MPDZ: variants seen among roughly 807,000 people sequenced by gnomAD.
MPDZ encodes multiple PDZ domain protein.
A neutral mutation model predicts 239.1 loss-of-function variants in MPDZ; 234 were observed. The observed-to-expected ratio is 0.98, with a 90% CI of 0.88 to 1.09. The LOEUF (loss-of-function observed/expected upper bound fraction) is 1.09. MPDZ is among the 50% of genes least tolerant of loss of function. The pLI, the probability that MPDZ is intolerant of heterozygous loss-of-function variation, is 0.00. For missense variants in MPDZ, 3,175 were observed against 2,510.0 expected, an observed-to-expected ratio of 1.26 and a Z score of -5.66; for synonymous variants, 1,048 against 881.3, an observed-to-expected ratio of 1.19 and a Z score of -3.35.
At chr9:13,151,629 G>A (rs1452927459) in intron 24 of MPDZ, among the ~76,000 whole-genome samples, 1 of 152,026 alleles carries the variant, frequency 6.6e-6, no homozygotes, top group Non-Finnish European at 1.5e-5. Context: ...GGTTGCCTGG[G>A]ATGGGAAGAG....
At chr9:13,131,142 G>A (rs572536774) in intron 32 of MPDZ, among the ~76,000 whole-genome samples, 6 of 152,148 alleles carry the variant, frequency 3.9e-5, no homozygotes, top group Non-Finnish European at 8.8e-5. Flanking sequence ...ATTCATGAGT[G>A]TTAAAAGCTG....
At chr9:13,251,790 G>A (rs1235627280) in intron 1 of MPDZ, among the ~76,000 whole-genome samples, 2 of 152,178 alleles carry the variant, frequency 1.3e-5, no homozygotes, top group Non-Finnish European at 2.9e-5. Context: ...TCCCAATGTA[G>A]AATATACTAT....
At chr9:13,209,941 T>C (rs1189756722) in intron 10 of MPDZ, among the ~76,000 whole-genome samples, 2 of 147,158 alleles carry the variant, frequency 1.4e-5, no homozygotes, top group African/African-American at 5.0e-5. Flanking sequence ...AACACACTAA[T>C]AAAAGAAATT....
At chr9:13,130,097 A>C (rs1945737078) in intron 32 of MPDZ, among the ~76,000 whole-genome samples, 1 of 152,202 alleles carries the variant, frequency 6.6e-6, no homozygotes, top group Non-Finnish European at 1.5e-5. Context: ...ACCTGCTTTG[A>C]TGTATGGGTC....
rs765989399 is a variant in MPDZ at position 13,123,159 on chromosome 9, C to G, written c.4947G>C (p.Thr1649=). The G allele has an allele frequency of 4.3e-6, 7 of 1,611,694 alleles. No homozygotes were observed. The highest frequency in any genetic ancestry group is 5.9e-6 in the Non-Finnish European group (7 of 1,179,290). The change falls in exon 36 of 47, where the codon ACG becomes ACC. Residue 1649 remains threonine, a synonymous_variant. Transcript: ENST00000319217. The stretch of plus-strand genomic sequence containing the variant: ...ACCTCTGGGTGGTGCTCACCAGCAG[C>G]GTGTCTGAACCCCCAACGATGCTCA... ...LGLSIVGGSD[T]LLGAIIIHEV... is the part of the protein sequence containing the mutation.
intron 4 of MPDZ, among the ~76,000 whole-genome samples, 187 bp from the exon 5 acceptor site, chr9:13,223,897 G>T (rs148190372): frequency 6.6e-6 from 1 of 152,008 alleles, no homozygotes; most frequent in Non-Finnish European, 1.5e-5. Flanking sequence ...TAGTAAGTGT[G>T]GTGGCACACA....
chr9:13,234,774 TC>T (rs1158684469), intron 3 of MPDZ, among the ~76,000 whole-genome samples: 3 of 151,850 alleles, frequency 2.0e-5, no homozygotes, highest in African/African-American at 7.3e-5. Context: ...AAGCCATTCT[TC>T]AGGGAATTTG....
At chr9:13,199,629 G>A (rs1428462899) in intron 12 of MPDZ, among the ~76,000 whole-genome samples, 1 of 151,960 alleles carries the variant, frequency 6.6e-6, no homozygotes, top group Non-Finnish European at 1.5e-5. Context: ...TATATTAGCT[G>A]TGGATTTTTC....
intron 35 of MPDZ, among the ~76,000 whole-genome samples, chr9:13,123,825 C>G (rs1944730623): frequency 6.6e-6 from 1 of 152,130 alleles, no homozygotes; most frequent in Admixed American, 6.5e-5. Context: ...TATCCTAGAG[C>G]ATCTCTTCTT....
rs752165433 is a variant in MPDZ at position 13,219,551 on chromosome 9, C to G, written c.1086+8G>C. 9 of 1,610,372 alleles carry G rather than the reference C, an allele frequency of 5.6e-6. No homozygotes were observed. Among genetic ancestry groups the G allele is most frequent in the East Asian group, 2.2e-5 (1 of 44,690 alleles). On this transcript the variant is annotated splice_region_variant and intron_variant, in intron 8 of 46. Transcript: ENST00000319217. ...TGACTTTCACATTAACTACTCTTAA[C>G]TACTTACCCGCAACTCTGGTGTTGA... is the stretch of plus-strand genomic sequence containing the variant.
intron 42 of MPDZ, among the ~76,000 whole-genome samples, 195 bp downstream of exon 42, chr9:13,112,816 C>T (rs1402646180): frequency 1.3e-5 from 2 of 152,094 alleles, no homozygotes; most frequent in African/African-American, 2.4e-5. Context: ...AGCATGCAAA[C>T]AACGATTTTT....
At chr9:13,200,932 G>A (rs1956309023) in intron 12 of MPDZ, among the ~76,000 whole-genome samples, 1 of 151,994 alleles carries the variant, frequency 6.6e-6, no homozygotes. Flanking sequence ...GGTCAATTTG[G>A]TCTACAATGA....
At chr9:13,156,168 C>T (rs755255917) in intron 24 of MPDZ, among the ~76,000 whole-genome samples, 1 of 152,102 alleles carries the variant, frequency 6.6e-6, no homozygotes, top group African/African-American at 2.4e-5. Flanking sequence ...CTGAATTTTC[C>T]CCCAAATTCA....
At chr9:13,239,005 T>C (rs1964746340) in intron 3 of MPDZ, among the ~76,000 whole-genome samples, 1 of 152,174 alleles carries the variant, frequency 6.6e-6, no homozygotes. Flanking sequence ...TAAAACCATA[T>C]GAACAAAAGA....
chr9:13,175,709 A>C, intron 21 of MPDZ, 43 bp downstream of exon 21: 1 of 1,494,076 alleles, frequency 6.7e-7, no homozygotes, highest in South Asian at 1.2e-5. Flanking sequence ...CCCCTTGTCA[A>C]GGGGGTTGAG....
At chr9:13,172,677 G>A (rs931297942) in intron 21 of MPDZ, among the ~76,000 whole-genome samples, 9 of 152,002 alleles carry the variant, frequency 5.9e-5, no homozygotes, top group South Asian at 2.1e-4. Flanking sequence ...GTGAGCCACC[G>A]CGCCCGGCCA....
intron 1 of MPDZ, among the ~76,000 whole-genome samples, chr9:13,266,655 C>A (rs1227527707): frequency 6.6e-6 from 1 of 152,258 alleles, no homozygotes; most frequent in East Asian, 1.9e-4. Context: ...AGTAGAGAGT[C>A]AAAGAAAATA....
chr9:13,238,333 T>C (rs1159911807), intron 3 of MPDZ, among the ~76,000 whole-genome samples: 1 of 152,118 alleles, frequency 6.6e-6, no homozygotes, highest in South Asian at 2.1e-4. Context: ...ATAATAAGAT[T>C]ACAGTGGGGT....
intron 26 of MPDZ, among the ~76,000 whole-genome samples, chr9:13,143,883 A>G (rs1274253599): frequency 6.6e-6 from 1 of 152,080 alleles, no homozygotes; most frequent in South Asian, 2.1e-4. Context: ...CATCTTATAT[A>G]TTAATACATG....
Sources: allele counts gnomAD v4.1 joint callset (sites outside exome capture counted in the v4.1 genomes callset), GRCh38; gene constraint gnomAD v4.1.1; transcripts MANE v1.5; gene names NCBI Gene and HGNC (gene_info 2026-07-23, HGNC 2026-07-21).